The following IGFBP5 variants were observed in gnomAD, a reference collection of about 807,000 sequenced individuals.
IGFBP5 encodes insulin-like growth factor-binding protein 5.
IGFBP5 carries 12 observed loss-of-function variants against 28.0 expected under a neutral mutation model. The observed-to-expected ratio is 0.43, with a 90% CI of 0.27 to 0.69. IGFBP5 has a LOEUF of 0.69. Among genes scored for constraint, IGFBP5 ranks in the 30% least tolerant of loss-of-function variants. IGFBP5 has a pLI of 0.20. For missense variants in IGFBP5, 344 were observed against 381.6 expected (o/e 0.90, Z 0.82); for synonymous variants, 152 against 150.2 (o/e 1.01, Z -0.09).
In IGFBP5 at chr2:216,676,808, C is replaced by A. The variant is rs1688906146; in HGVS notation, c.762G>T (p.Met254Ile). 1.2e-6 allele frequency: 2 copies of A among 1,614,060 alleles called. No individual in the cohort carries two copies. The highest frequency in any genetic ancestry group is 1.7e-6 in the Non-Finnish European group (2 of 1,179,956). The change falls in exon 4 of 4, where the codon ATG becomes ATT. Residue 254 changes from methionine to isoleucine, a missense_variant. Met to Ile is a conservative substitution (Grantham distance 10). This residue lies in a region of IGFBP5 where 36 missense variants were observed against 34.1 expected (regional missense o/e 1.06). Coordinates refer to ENST00000233813, the MANE Select transcript of IGFBP5 (RefSeq NM_000599.4). ...VDKYGMKLPG[M>I]EYVDGDFQCH... ...ACTGAAAGTCCCCGTCAACGTACTC[C>A]ATGCCTGGCAGCTTCATCCCGTACT...
intron 1 of IGFBP5, among the ~76,000 whole-genome samples, chr2:216,682,889 T>G (rs952225554): frequency 6.6e-6 from 1 of 151,844 alleles, no homozygotes; most frequent in South Asian, 2.1e-4. Context: ...TTTGTATTTT[T>G]AGTAGAGATG....
chr2:216,681,979 C>T (rs1574579381), intron 1 of IGFBP5, among the ~76,000 whole-genome samples: 2 of 152,086 alleles, frequency 1.3e-5, no homozygotes, highest in African/African-American at 4.8e-5. Context: ...AAGTACTGCC[C>T]CGGGGCCAAG....
At chr2:216,682,339 C>T (rs2106220024) in intron 1 of IGFBP5, among the ~76,000 whole-genome samples, 1 of 152,316 alleles carries the variant, frequency 6.6e-6, no homozygotes, top group African/African-American at 2.4e-5. Context: ...GATTAAAGGG[C>T]TGGAAAGTAA....
chr2:216,681,427 C>T lies in IGFBP5; in HGVS notation c.338-2348G>A, dbSNP rs371129837. 1.1e-4 allele frequency among the ~76,000 whole-genome samples: 17 copies of T among 152,178 alleles called. No individual in the cohort carries two copies. The East Asian group carries it at 1.5e-3, about 14-fold the overall frequency. Reference sequence around the variant, plus strand: ...GGGGAGTGGGCTGGCTGCTGACCAGCGCATGCGTCTATGCGTCTCCTTCAG... The same window carrying T: ...GGGGAGTGGGCTGGCTGCTGACCAGTGCATGCGTCTATGCGTCTCCTTCAG... On this transcript the variant is annotated intron_variant, in intron 1 of 3. Transcript: ENST00000233813.
rs756868904 is a variant in IGFBP5 at position 216,679,115 on chromosome 2, G to C, written c.338-36C>G. On this transcript the variant is annotated intron_variant, in intron 1 of 3. Coordinates refer to ENST00000233813, the MANE Select transcript of IGFBP5 (RefSeq NM_000599.4). The surrounding 1 kb of genome is among the most constrained non-coding windows in gnomAD (Gnocchi z 4.6). ...AGGAGCCGGAGGGTCAGCCCCCGTGGGCCAAGGTGCACACGGCCAGAGCCC... is the reference window on the plus strand; with the variant it reads ...AGGAGCCGGAGGGTCAGCCCCCGTGCGCCAAGGTGCACACGGCCAGAGCCC... 6.3e-7 allele frequency: 1 copy of C among 1,575,402 alleles called. No homozygotes were observed. Among genetic ancestry groups the C allele is most frequent in the African/African-American group, 1.3e-5 (1 of 74,268 alleles).
In IGFBP5 at chr2:216,694,727, G is replaced by A; in HGVS notation, c.49C>T (p.Pro17Ser). 1 of 1,457,440 alleles carries A rather than the reference G, an allele frequency of 6.9e-7. No homozygotes were observed. The allele number at this position is 1,457,440 out of a possible 1,614,324, so 90.3% of individuals were successfully genotyped here. A position where few individuals can be genotyped will look rare whatever the true frequency, so the allele number is the denominator to read the frequency against. Reference protein sequence around the residue: ...VLLLLAAYAGPAQSLGSFVHC... With the variant: ...VLLLLAAYAGSAQSLGSFVHC... ...ACGAAGGAGCCCAGGCTCTGGGCCG[G>A]CCCCGCATAGGCGGCCAGCAGCAGG... Residue 17 changes from proline to serine, a missense_variant, in exon 1 of 4, where the codon CCG (proline) becomes TCG (serine). By Grantham distance (74) the Pro-to-Ser change is moderately conservative. This residue lies in a region of IGFBP5 where 304 missense variants were observed against 329.2 expected (regional missense o/e 0.92). Coordinates refer to ENST00000233813, the MANE Select transcript of IGFBP5 (RefSeq NM_000599.4). The surrounding 1 kb of genome is among the most constrained non-coding windows in gnomAD (Gnocchi z 5.2).
chr2:216,686,598 C>T lies in IGFBP5; in HGVS notation c.338-7519G>A, dbSNP rs185183073. Among the ~76,000 whole-genome samples, 9 of 150,792 alleles carry T rather than the reference C, an allele frequency of 6.0e-5. No individual in the cohort carries two copies. In the East Asian group the frequency reaches 1.8e-3, roughly 30 times the overall value. ...TGCCACTGCACTCCAGCCTGGGTGA[C>T]AGAGTGAGACCTTGTTTCTAAAAAT... On this transcript the variant is annotated intron_variant, in intron 1 of 3. Transcript: ENST00000233813.
In IGFBP5 at chr2:216,674,524, T is replaced by C. The variant is rs1457174205; in HGVS notation, c.*2227A>G. 6.6e-6 allele frequency: 1 copy of C among 152,262 alleles called. No individual in the cohort carries two copies. Among genetic ancestry groups the C allele is most frequent in the African/African-American group, 2.4e-5 (1 of 41,448 alleles). The allele number at this position is 152,262 out of a possible 1,614,324, so 9.4% of individuals were successfully genotyped here. ...CGCTATTCCTCTTCGTAGCCCCAAA[T>C]TCGTTGTTGGAGGCGGTCTCCGCTG... is the stretch of plus-strand genomic sequence containing the variant. On this transcript the variant is annotated 3_prime_UTR_variant, in exon 4 of 4. Transcript: ENST00000233813. This position sits in a 1 kb window ranked among gnomAD's most constrained non-coding sequence, Gnocchi z 4.4.
rs1331423195 is a variant in IGFBP5 at position 216,695,176 on chromosome 2, G to C, written c.-401C>G. 1.2e-5 allele frequency: 2 copies of C among 169,618 alleles called. No individual in the cohort carries two copies. The highest frequency in any genetic ancestry group is 2.5e-5 in the Non-Finnish European group (2 of 80,198). 10.5% of individuals were successfully genotyped at this position (169,618 alleles called of 1,614,324 possible). A position where few individuals can be genotyped will look rare whatever the true frequency, so the allele number is the denominator to read the frequency against. On this transcript the variant is annotated 5_prime_UTR_variant, in exon 1 of 4. Transcript: ENST00000233813. ...AGTGGAGATGGCGTTGGGGGTGGGAGAGAAAAATGGATTTATCTTTAAAAT... is the reference window on the plus strand; with the variant it reads ...AGTGGAGATGGCGTTGGGGGTGGGACAGAAAAATGGATTTATCTTTAAAAT...
rs11575150 is a variant in IGFBP5, at chr2:216,687,238, C to T, written c.337+7201G>A. 8.6e-3 allele frequency among the ~76,000 whole-genome samples: 1,303 copies of T among 152,332 alleles called. 11 individuals carry two copies. Among genetic ancestry groups the T allele is most frequent in the Non-Finnish European group, 0.015 (989 of 68,026 alleles). ...ACTTGGCACAGGTGCTCTCCGGACC[C>T]GTCTCCACTTAGAGAGCTCCCCCTG... On this transcript the variant is annotated intron_variant, in intron 1 of 3. Transcript: ENST00000233813.
rs1036622145 is a variant in IGFBP5, at chr2:216,676,522, C to G, written c.*229G>C. 3 of 320,244 alleles carry G rather than the reference C, an allele frequency of 9.4e-6. No homozygotes were observed. Among genetic ancestry groups the G allele is most frequent in the Non-Finnish European group, 1.7e-5 (3 of 172,498 alleles). 19.8% of individuals were successfully genotyped at this position (320,244 alleles called of 1,614,324 possible). On this transcript the variant is annotated 3_prime_UTR_variant, in exon 4 of 4. Transcript: ENST00000233813. ...ATCCAACTTGCCTCAAAAAGAAAAC[C>G]ATTTAAAGGGGGGGGGTGTCTTTTT...
chr2:216,673,722 C>G lies in IGFBP5; in HGVS notation c.*3029G>C, dbSNP rs1240062479. ...CCTGCTTAGATTGCCATACTCGCAC[C>G]ATTCCAAACCTGCCTCCCTCACACC... is the stretch of plus-strand genomic sequence containing the variant. On this transcript the variant is annotated 3_prime_UTR_variant, in exon 4 of 4. Transcript: ENST00000233813. The surrounding 1 kb of genome is among the most constrained non-coding windows in gnomAD (Gnocchi z 4.3). The G allele has an allele frequency of 6.6e-6, 1 of 152,328 alleles. No homozygotes were observed. Among genetic ancestry groups the G allele is most frequent in the Non-Finnish European group, 1.5e-5 (1 of 68,114 alleles). The allele number at this position is 152,328 out of a possible 1,614,324, so 9.4% of individuals were successfully genotyped here.
intron 1 of IGFBP5, among the ~76,000 whole-genome samples, chr2:216,680,488 C>G (rs2106218932): frequency 6.6e-6 from 1 of 152,238 alleles, no homozygotes; most frequent in African/African-American, 2.4e-5. Context: ...AGCTTGCAGC[C>G]CTGGGCAAGT....
intron 1 of IGFBP5, among the ~76,000 whole-genome samples, chr2:216,686,095 G>T (rs1689031915): frequency 6.6e-6 from 1 of 152,118 alleles, no homozygotes; most frequent in Non-Finnish European, 1.5e-5. Flanking sequence ...AGCAGACTTA[G>T]AGAACTACTG....
chr2:216,684,398 T>C (rs1332802689), intron 1 of IGFBP5, among the ~76,000 whole-genome samples: 1 of 152,222 alleles, frequency 6.6e-6, no homozygotes, highest in Non-Finnish European at 1.5e-5. Context: ...TCACTTGACC[T>C]AATAATCAAT....
chr2:216,694,961 C>T lies in IGFBP5; in HGVS notation c.-186G>A. On this transcript the variant is annotated 5_prime_UTR_variant, in exon 1 of 4. Transcript: ENST00000233813. The surrounding 1 kb of genome is among the most constrained non-coding windows in gnomAD (Gnocchi z 5.2). The stretch of plus-strand genomic sequence containing the variant: ...TAGAGAGAGGTGGAGGGCTGGGGTG[C>T]CTGCGAGCAGGTCCCAGTTGCAAGA... The T allele has an allele frequency of 2.4e-6, 1 of 416,520 alleles. No homozygotes were observed. Among genetic ancestry groups the T allele is most frequent in the South Asian group, 1.0e-4 (1 of 9,612 alleles). 25.8% of individuals were successfully genotyped at this position (416,520 alleles called of 1,614,324 possible).
In IGFBP5 at chr2:216,685,680, C is replaced by T. The variant is rs140305661; in HGVS notation, c.338-6601G>A. 1.9e-3 allele frequency among the ~76,000 whole-genome samples: 290 copies of T among 152,300 alleles called. 2 individuals carry two copies. Among genetic ancestry groups the T allele is most frequent in the African/African-American group, 6.7e-3 (278 of 41,558 alleles). ...TGTCTCAGTCTCTTGAAGTCTGTTT[C>T]CCAGCTGTGGATGTCAAATGGCTTT... On this transcript the variant is annotated intron_variant, in intron 1 of 3. Transcript: ENST00000233813.
In IGFBP5 at chr2:216,689,220, G is replaced by C. The variant is rs1302026143; in HGVS notation, c.337+5219C>G. Among the ~76,000 whole-genome samples the C allele has an allele frequency of 2.4e-4, 36 of 152,188 alleles. 2 individuals carry two copies. The highest frequency in any genetic ancestry group is 2.4e-3 in the Admixed American group (36 of 15,286). On this transcript the variant is annotated intron_variant, in intron 1 of 3. Transcript: ENST00000233813. ...AGACTACAGGCCGCTGCACAGCTCA[G>C]AGGCAGCCAGGCCTGCCTGCCTCTC...
rs1274248534 is a variant in IGFBP5, at chr2:216,675,578, T to C, written c.*1173A>G. 6.6e-6 allele frequency: 1 copy of C among 152,086 alleles called. No individual in the cohort carries two copies. Among genetic ancestry groups the C allele is most frequent in the Non-Finnish European group, 1.5e-5 (1 of 68,020 alleles). The allele number at this position is 152,086 out of a possible 1,614,324, so 9.4% of individuals were successfully genotyped here. On this transcript the variant is annotated 3_prime_UTR_variant, in exon 4 of 4. Coordinates refer to ENST00000233813, the MANE Select transcript of IGFBP5 (RefSeq NM_000599.4). ...CCCACAAAAAAGCTGAGTTTATTGC[T>C]CACGGGAAACTCTGCCTCGAGGCAG...
Sources: allele counts gnomAD v4.1 joint callset (sites outside exome capture counted in the v4.1 genomes callset), GRCh38; gene constraint gnomAD v4.1.1; regional missense constraint gnomAD v4.1.1; non-coding constraint Gnocchi (gnomAD v3.1); transcripts MANE v1.5; gene names NCBI Gene and HGNC (gene_info 2026-07-23, HGNC 2026-07-21).